PDS5B: variants seen among roughly 807,000 people sequenced by gnomAD.
The protein encoded by PDS5B is PDS5 cohesin associated factor B, also known as sister chromatid cohesion protein PDS5 homolog B.
A neutral mutation model predicts 184.1 loss-of-function variants in PDS5B; 51 were observed. That is an observed-to-expected ratio of 0.28 (90% CI 0.22 to 0.35). The LOEUF is 0.35. Ranked by LOEUF, PDS5B falls within the 10% of genes least tolerant of loss-of-function variation. The pLI is 1.00. For synonymous variants in PDS5B, 566 were observed against 569.2 expected (o/e 0.99, Z 0.08); for missense variants, 1,180 against 1,723.3 (o/e 0.68, Z 5.58).
intron 1 of PDS5B, among the ~76,000 whole-genome samples, chr13:32,599,012 C>T (rs1053199919): frequency 2.6e-5 from 4 of 152,074 alleles, no homozygotes; most frequent in Admixed American, 1.3e-4. Context: ...CCTCGTGATC[C>T]GTCTGCCTCG....
chr13:32,764,060 A>C (rs1017415700), intron 30 of PDS5B, among the ~76,000 whole-genome samples: 1 of 71,194 alleles, frequency 1.4e-5, no homozygotes, highest in Admixed American at 1.6e-4. Context: ...CTTATATTCT[A>C]ACGGGAAGGC....
At chr13:32,728,261 G>A (rs1364581728) in intron 19 of PDS5B, among the ~76,000 whole-genome samples, 1 of 151,752 alleles carries the variant, frequency 6.6e-6, no homozygotes, top group African/African-American at 2.4e-5. Flanking sequence ...CTCTTTTAAT[G>A]TCTACCCTAA....
At position 32,699,708 on chromosome 13, in the gene PDS5B, T is replaced by C. The variant is rs200180882; in HGVS notation, c.1601-22T>C. The C allele has an allele frequency of 9.2e-5, 127 of 1,376,374 alleles. 1 individual carries two copies. The East Asian group carries it at 3.6e-3, about 39-fold the overall frequency. 85.3% of individuals were successfully genotyped at this position (1,376,374 alleles called of 1,614,324 possible). ...AAGAATTAAAAAAAATTGATTTTAA[T>C]TGAACTTTAATTTATTTTAAGGAAA... On this transcript the variant is annotated intron_variant, in intron 15 of 34. Transcript: ENST00000315596.
intron 19 of PDS5B, among the ~76,000 whole-genome samples, chr13:32,725,190 T>C (rs2140935852): frequency 6.6e-6 from 1 of 152,314 alleles, no homozygotes; most frequent in Non-Finnish European, 1.5e-5. Flanking sequence ...GCTTGATTTT[T>C]TGAATGTTAT....
intron 1 of PDS5B, among the ~76,000 whole-genome samples, chr13:32,643,726 T>C (rs1218159519): frequency 6.6e-6 from 1 of 152,186 alleles, no homozygotes; most frequent in Non-Finnish European, 1.5e-5. Context: ...CTAGAAGCAA[T>C]AGGCTATACC....
At chr13:32,636,188 C>T (rs764001963) in intron 1 of PDS5B, among the ~76,000 whole-genome samples, 3 of 152,166 alleles carry the variant, frequency 2.0e-5, no homozygotes, top group Non-Finnish European at 4.4e-5. Flanking sequence ...TATGCGAGTT[C>T]GTCAGCTTTC....
chr13:32,605,937 C>T (rs569738946), intron 1 of PDS5B, among the ~76,000 whole-genome samples: 6 of 151,986 alleles, frequency 3.9e-5, no homozygotes, highest in Middle Eastern at 6.8e-3. Flanking sequence ...TTCCTCCATC[C>T]CTTTATTTTG....
rs538246402 is a variant in PDS5B, at chr13:32,597,598, GA to G, written c.-20+11006del. Among the ~76,000 whole-genome samples the G allele has an allele frequency of 3.4e-3, 511 of 151,868 alleles. 8 individuals carry two copies. The highest frequency in any genetic ancestry group is 0.011 in the African/African-American group (474 of 41,348). On this transcript the variant is annotated intron_variant, in intron 1 of 34. Transcript: ENST00000315596. The stretch of plus-strand genomic sequence containing the variant: ...CCGAGCACTTTGGGAGGCTGAGGCC[GA>G]GGGGGGGGCGGCAGGGGGTGCGGGG...
chr13:32,708,320 G>T (rs187089601), intron 18 of PDS5B, among the ~76,000 whole-genome samples: 38 of 152,076 alleles, frequency 2.5e-4, no homozygotes, highest in Non-Finnish European at 4.7e-4. Context: ...GAATCCTTGC[G>T]GGCTAATCCT....
chr13:32,621,560 C>T (rs2058301823), intron 1 of PDS5B, among the ~76,000 whole-genome samples: 1 of 152,234 alleles, frequency 6.6e-6, no homozygotes, highest in Non-Finnish European at 1.5e-5. Context: ...AAATTTGGAA[C>T]AGCTCATCAA....
Position 32,770,385 on chromosome 13 carries a change from C to A in PDS5B, c.3889C>A (p.Leu1297Ile), listed in dbSNP as rs761064408. 1.2e-6 allele frequency: 2 copies of A among 1,613,360 alleles called. No homozygotes were observed. Among genetic ancestry groups the A allele is most frequent in the Non-Finnish European group, 1.7e-6 (2 of 1,179,908 alleles). The change falls in exon 32 of 35, where the codon CTT becomes ATT. Residue 1297 changes from leucine (L) to isoleucine (I), a missense_variant. This residue lies in a region of PDS5B where 465 missense variants were observed against 497.8 expected (regional missense o/e 0.93). Coordinates refer to ENST00000315596, the MANE Select transcript of PDS5B (RefSeq NM_015032.4). ...TAAAAGAGGCCGACCACCAAAACCT[C>A]TTGGTGGAGGTACACCAAAAGAAGA... is the stretch of plus-strand genomic sequence containing the variant. ...KGKRGRPPKPLGGGTPKEEPT... is the reference protein window; with the variant it reads ...KGKRGRPPKPIGGGTPKEEPT...
At chr13:32,675,186 A>T (rs1002687348) in intron 8 of PDS5B, among the ~76,000 whole-genome samples, 4 of 152,150 alleles carry the variant, frequency 2.6e-5, no homozygotes, top group Non-Finnish European at 1.5e-5. Flanking sequence ...TTTATGTTCA[A>T]GTCTAGTATT....
At chr13:32,695,467 A>G (rs1003119719) in intron 14 of PDS5B, among the ~76,000 whole-genome samples, 4 of 152,006 alleles carry the variant, frequency 2.6e-5, no homozygotes, top group African/African-American at 9.7e-5. Context: ...GTTTTCATTA[A>G]TAATCTCTGG....
At chr13:32,676,869 T>C (rs1951078795) in intron 9 of PDS5B, among the ~76,000 whole-genome samples, 1 of 145,220 alleles carries the variant, frequency 6.9e-6, no homozygotes, top group East Asian at 2.0e-4. Context: ...AGGTGGAGCT[T>C]GCAGTGAGCT....
Position 32,673,335 on chromosome 13 carries a change from C to T in PDS5B, c.825C>T (p.Pro275=), listed in dbSNP as rs769154791. ...IDSHLLLSVL[P]QLEFKLKSND... ...GTCATTTGCTGCTCTCTGTTTTACC[C>T]CAGCTTGAATTTAAATTAAAGGTAA... Residue 275 remains proline, a synonymous_variant, in exon 8 of 35, where the codon CCC becomes CCT. Transcript: ENST00000315596. 2 of 1,609,268 alleles carry T rather than the reference C, an allele frequency of 1.2e-6. No individual in the cohort carries two copies.
At chr13:32,645,658 A>T (rs1020473153) in intron 1 of PDS5B, among the ~76,000 whole-genome samples, 3 of 152,136 alleles carry the variant, frequency 2.0e-5, no homozygotes, top group Non-Finnish European at 4.4e-5. Context: ...GATTATTAAG[A>T]AGTGCTTTAA....
At chr13:32,702,240 C>A (rs935507354) in intron 17 of PDS5B, among the ~76,000 whole-genome samples, 5 of 151,928 alleles carry the variant, frequency 3.3e-5, no homozygotes, top group Non-Finnish European at 7.4e-5. Context: ...GGTCATTGAC[C>A]CCTTGCAAAT....
intron 1 of PDS5B, among the ~76,000 whole-genome samples, chr13:32,600,962 G>C (rs1007724592): frequency 6.6e-6 from 1 of 152,114 alleles, no homozygotes; most frequent in Admixed American, 6.5e-5. Context: ...TATTTTTGAG[G>C]CTTCCCTACC....
intron 1 of PDS5B, among the ~76,000 whole-genome samples, chr13:32,598,981 AG>A (rs1394808669): frequency 6.6e-6 from 1 of 152,004 alleles, no homozygotes; most frequent in Non-Finnish European, 1.5e-5. Context: ...TGTGTTAGCC[AG>A]GATGGTCTCG....
Sources: allele counts gnomAD v4.1 joint callset (sites outside exome capture counted in the v4.1 genomes callset), GRCh38; gene constraint gnomAD v4.1.1; regional missense constraint gnomAD v4.1.1; transcripts MANE v1.5; gene names NCBI Gene and HGNC (gene_info 2026-07-23, HGNC 2026-07-21).